DACH1: variants seen among roughly 807,000 people sequenced by gnomAD.
DACH1 encodes the protein dachshund homolog 1.
A neutral mutation model predicts 54.2 loss-of-function variants in DACH1; 12 were observed. That is an observed-to-expected ratio of 0.22 (90% CI 0.14 to 0.36). The LOEUF is 0.36. DACH1 is among the 10% of genes least tolerant of loss of function. The pLI, the probability that DACH1 is intolerant of heterozygous loss-of-function variation, is 1.00. For synonymous variants in DACH1, 386 were observed against 366.2 expected (o/e 1.05, Z -0.62); for missense variants, 805 against 929.8 (o/e 0.87, Z 1.75).
intron 3 of DACH1, among the ~76,000 whole-genome samples, chr13:71,601,423 C>G (rs550170284): frequency 1.3e-5 from 2 of 151,942 alleles, no homozygotes; most frequent in African/African-American, 4.8e-5. Context: ...CTGTCTTCAA[C>G]GCATCACTAC....
At chr13:71,482,098 T>C (rs1207608293) in intron 7 of DACH1, among the ~76,000 whole-genome samples, 1 of 152,214 alleles carries the variant, frequency 6.6e-6, no homozygotes. Flanking sequence ...GCCACAGCAA[T>C]GGTGAGAGAC....
At chr13:71,821,388 T>C (rs892865909) in intron 1 of DACH1, among the ~76,000 whole-genome samples, 1 of 152,038 alleles carries the variant, frequency 6.6e-6, no homozygotes, top group Non-Finnish European at 1.5e-5. Context: ...GAGTGCACGA[T>C]CCTGAGGTCC....
rs138689017 is a variant in DACH1, at chr13:71,628,085, T to C, written c.1126+2471A>G. The stretch of plus-strand genomic sequence containing the variant: ...TATGCCATTTTTCAGATATGGAGTT[T>C]TGGGCTCAGAAAGTTTACATACTTT... On this transcript the variant is annotated intron_variant, in intron 3 of 10. Coordinates refer to ENST00000613252, the MANE Select transcript of DACH1 (RefSeq NM_080759.6). Among the ~76,000 whole-genome samples the C allele has an allele frequency of 4.7e-3, 708 of 152,204 alleles. 4 individuals carry two copies. The highest frequency in any genetic ancestry group is 0.016 in the African/African-American group (675 of 41,554).
chr13:71,785,205 C>T (rs1886542344), intron 1 of DACH1, among the ~76,000 whole-genome samples: 3 of 152,032 alleles, frequency 2.0e-5, no homozygotes, highest in Admixed American at 2.0e-4. Context: ...TTAAGAAACC[C>T]GGTTGTATCT....
At chr13:71,571,192 T>A (rs1885171057) in intron 4 of DACH1, among the ~76,000 whole-genome samples, 1 of 152,206 alleles carries the variant, frequency 6.6e-6, no homozygotes, top group Non-Finnish European at 1.5e-5. Flanking sequence ...GAGATGATTC[T>A]TTATAGTAAT....
rs1395786846 is a variant in DACH1, at chr13:71,448,723, C to A, written c.2084-8031G>T. On this transcript the variant is annotated intron_variant, in intron 10 of 10. Coordinates refer to ENST00000613252, the MANE Select transcript of DACH1 (RefSeq NM_080759.6). ...TCTTCTCATGAAATGCAGATAATAA[C>A]AGTGCAAGTGATTTCCAGATGTTTG... Among the ~76,000 whole-genome samples the A allele has an allele frequency of 8.6e-5, 13 of 151,972 alleles. 1 individual carries two copies. Among genetic ancestry groups the A allele is most frequent in the African/African-American group, 3.1e-4 (13 of 41,468 alleles).
intron 1 of DACH1, among the ~76,000 whole-genome samples, chr13:71,736,043 T>C (rs1884098534): frequency 6.6e-6 from 1 of 152,120 alleles, no homozygotes; most frequent in Non-Finnish European, 1.5e-5. Flanking sequence ...TACCAAAATA[T>C]ACTGAGCTGT....
At chr13:71,600,589 G>C (rs1471911916) in intron 3 of DACH1, among the ~76,000 whole-genome samples, 1 of 151,690 alleles carries the variant, frequency 6.6e-6, no homozygotes, top group African/African-American at 2.4e-5. Flanking sequence ...ATATAAAATA[G>C]CCAGAAAATA....
chr13:71,586,943 G>T (rs76619764), intron 3 of DACH1, among the ~76,000 whole-genome samples: 4 of 151,326 alleles, frequency 2.6e-5, no homozygotes, highest in African/African-American at 9.7e-5. Flanking sequence ...AAAGTTTTTC[G>T]GTTAAATTTC....
At chr13:71,612,681 T>C (rs1438832918) in intron 3 of DACH1, among the ~76,000 whole-genome samples, 1 of 152,086 alleles carries the variant, frequency 6.6e-6, no homozygotes, top group Admixed American at 6.6e-5. Flanking sequence ...CCAGATTAAA[T>C]GAAAAGAATA....
chr13:71,666,399 C>G (rs996076879), intron 2 of DACH1, among the ~76,000 whole-genome samples: 1 of 152,104 alleles, frequency 6.6e-6, no homozygotes, highest in Non-Finnish European at 1.5e-5. Context: ...TGGTCTGCAT[C>G]TGCAATATGG....
Position 71,610,363 on chromosome 13 carries a change from G to A in DACH1, c.1126+20193C>T, listed in dbSNP as rs116900981. 4.0e-3 allele frequency among the ~76,000 whole-genome samples: 609 copies of A among 152,238 alleles called. 4 individuals carry two copies. Among genetic ancestry groups the A allele is most frequent in the Non-Finnish European group, 6.8e-3 (462 of 68,010 alleles). On this transcript the variant is annotated intron_variant, in intron 3 of 10. Transcript: ENST00000613252. ...ACAGAATATGAAAGTTACGATGGTC[G>A]TGACTATTTCATTCAAAGTGATGTT...
chr13:71,510,831 G>T (rs1880719897), intron 6 of DACH1, among the ~76,000 whole-genome samples: 1 of 151,550 alleles, frequency 6.6e-6, no homozygotes, highest in African/African-American at 2.4e-5. Flanking sequence ...ATTAAATGTT[G>T]CAGTAAAATA....
chr13:71,704,490 GA>G, intron 1 of DACH1: 1 of 350,608 alleles, frequency 2.9e-6, no homozygotes. Context: ...ATAGCTTCCT[GA>G]AATGTGTGAA....
intron 1 of DACH1, among the ~76,000 whole-genome samples, chr13:71,828,200 A>AT (rs1011619022): frequency 2.0e-5 from 3 of 151,964 alleles, no homozygotes; most frequent in African/African-American, 7.2e-5. Flanking sequence ...AGGGACATTT[A>AT]TTTTTTGCAC....
chr13:71,731,091 G>C (rs1883720658), intron 1 of DACH1, among the ~76,000 whole-genome samples: 1 of 151,968 alleles, frequency 6.6e-6, no homozygotes, highest in Non-Finnish European at 1.5e-5. Flanking sequence ...AATCTGAAGT[G>C]TCTAAAGTAG....
chr13:71,811,899 T>C (rs1490115237), intron 1 of DACH1, among the ~76,000 whole-genome samples: 1 of 152,204 alleles, frequency 6.6e-6, no homozygotes, highest in East Asian at 1.9e-4. Context: ...ATTTATCTTA[T>C]GTATTTATAA....
rs192213185 is a variant in DACH1, at chr13:71,841,617, G to C, written c.848+24305C>G. 7.2e-5 allele frequency among the ~76,000 whole-genome samples: 11 copies of C among 152,228 alleles called. No individual in the cohort carries two copies. The East Asian group carries it at 2.1e-3, about 29-fold the overall frequency. On this transcript the variant is annotated intron_variant, in intron 1 of 10. Coordinates refer to ENST00000613252, the MANE Select transcript of DACH1 (RefSeq NM_080759.6). ...TGCCAGCCTTGAGTCTTTTCTTGAT[G>C]GTGGTTGTCCCACTCAAACAAGCAC...
intron 10 of DACH1, among the ~76,000 whole-genome samples, chr13:71,443,714 T>C (rs1278964858): frequency 1.3e-5 from 2 of 152,082 alleles, no homozygotes; most frequent in African/African-American, 4.8e-5. Flanking sequence ...ATATGCAGTC[T>C]AAAGGGATTT....
Sources: gnomAD v4.1 joint callset for allele counts (sites outside exome capture counted in the v4.1 genomes callset) on GRCh38, gnomAD v4.1.1 for gene constraint, MANE v1.5 for transcripts, NCBI Gene and HGNC (gene_info 2026-07-23, HGNC 2026-07-21) for gene names.